MPP4: variants seen among roughly 807,000 people sequenced by gnomAD.
The protein encoded by MPP4 is MAGUK p55 scaffold protein 4.
In MPP4, 91 loss-of-function variants were observed where a neutral mutation model predicts 98.3. The observed-to-expected ratio is 0.93, with a 90% CI of 0.78 to 1.10. The LOEUF (loss-of-function observed/expected upper bound fraction) is 1.10, where lower values mean the gene tolerates loss of function less well. Ranked by LOEUF, MPP4 falls within the 50% of genes least tolerant of loss-of-function variation. MPP4 has a pLI of 0.00. For missense variants in MPP4, 744 were observed against 792.9 expected (o/e 0.94, Z 0.74); for synonymous variants, 261 against 271.8 (o/e 0.96, Z 0.39).
chr2:201,688,631 T>G (rs990519377), intron 4 of MPP4, among the ~76,000 whole-genome samples: 2 of 152,162 alleles, frequency 1.3e-5, no homozygotes, highest in Non-Finnish European at 2.9e-5. Flanking sequence ...TTGTTTGTTT[T>G]TTGAGATAGT....
chr2:201,658,258 A>G (rs1482391330), intron 16 of MPP4, among the ~76,000 whole-genome samples: 1 of 152,244 alleles, frequency 6.6e-6, no homozygotes, highest in Non-Finnish European at 1.5e-5. Context: ...GTGTTTGATG[A>G]GTAATTAATA....
intron 4 of MPP4, among the ~76,000 whole-genome samples, chr2:201,689,967 AG>A (rs1323445507): frequency 3.9e-5 from 6 of 152,222 alleles, no homozygotes; most frequent in African/African-American, 1.4e-4. Context: ...TTAGGAAAAA[AG>A]AAAGAAATGA....
rs761538656 is a variant in MPP4, at chr2:201,650,213, G to A, written c.1382-48C>T. ...GGTTTCAGTGTCTTCAGAATTCTTT[G>A]ATTACCAATATGCATTTGAATAAAG... On this transcript the variant is annotated intron_variant, in intron 18 of 21. Transcript: ENST00000409474. 6 of 1,527,566 alleles carry A rather than the reference G, an allele frequency of 3.9e-6. No individual in the cohort carries two copies. The South Asian group carries it at 7.7e-5, about 20-fold the overall frequency. 94.6% of individuals were successfully genotyped at this position (1,527,566 alleles called of 1,614,324 possible).
In MPP4 at chr2:201,657,590, G is replaced by GTTTTTTTTTTTTTTTTTTTTTTTTTTTT. The variant is rs929926346; in HGVS notation, c.1129+886_1129+887insAAAAAAAAAAAAAAAAAAAAAAAAAAAA. Reference sequence around the variant, plus strand: ...TCTAACAGTGAGAACCCTGGCCCTTGTTTTTTTTTTGTTTTTTTGTTTTTT... The same window carrying GTTTTTTTTTTTTTTTTTTTTTTTTTTTT: ...TCTAACAGTGAGAACCCTGGCCCTTGTTTTTTTTTTTTTTTTTTTTTTTTTTTTTTTTTTTTTTGTTTTTTTGTTTTTT... On this transcript the variant is annotated intron_variant, in intron 16 of 21. Transcript: ENST00000409474. Among the ~76,000 whole-genome samples, 45 of 91,118 alleles carry GTTTTTTTTTTTTTTTTTTTTTTTTTTTT rather than the reference G, an allele frequency of 4.9e-4. 10 individuals carry two copies. Among genetic ancestry groups the GTTTTTTTTTTTTTTTTTTTTTTTTTTTT allele is most frequent in the East Asian group, 1.2e-3 (3 of 2,596 alleles). The allele number at this position is 91,118 out of a possible 152,430, so 59.8% of individuals were successfully genotyped here. A position where few individuals can be genotyped will look rare whatever the true frequency, so the allele number is the denominator to read the frequency against.
intron 13 of MPP4, 79 bp from the exon 14 acceptor site, chr2:201,664,180 T>A (rs1688100586): frequency 6.6e-7 from 1 of 1,506,444 alleles, no homozygotes; most frequent in Non-Finnish European, 8.9e-7. Flanking sequence ...TAAGTCTAAT[T>A]CTCTGGCCCC....
At chr2:201,692,779 T>G in intron 3 of MPP4, 129 bp downstream of exon 3, 1,976 of 1,326,374 alleles carry the variant, frequency 1.5e-3, no homozygotes, top group Non-Finnish European at 1.8e-3. Context: ...TACAGAACTG[T>G]GAGATATCAA....
At chr2:201,697,070 T>C (rs1015888176) in intron 1 of MPP4, among the ~76,000 whole-genome samples, 1 of 152,110 alleles carries the variant, frequency 6.6e-6, no homozygotes, top group Non-Finnish European at 1.5e-5. Context: ...GTCATTAGCG[T>C]CTGGGTAAGA....
chr2:201,665,080 T>G (rs1688133990), intron 13 of MPP4: 1 of 158,786 alleles, frequency 6.3e-6, no homozygotes, highest in African/African-American at 2.4e-5. Context: ...TTTTTTTTTT[T>G]TTTGAGACGG....
chr2:201,690,115 A>T, intron 4 of MPP4, 87 bp downstream of exon 4: 2 of 828,144 alleles, frequency 2.4e-6, no homozygotes, highest in Non-Finnish European at 1.8e-6. Flanking sequence ...ACTTTTCCTT[A>T]GAACCTTTAA....
intron 13 of MPP4, 99 bp downstream of exon 13, chr2:201,666,235 A>G: frequency 1.1e-6 from 1 of 940,740 alleles, no homozygotes; most frequent in Non-Finnish European, 1.6e-6. Context: ...TTCTAGAGGA[A>G]AGGCCCATGG....
At chr2:201,650,534 C>T in intron 18 of MPP4, 1 of 985,404 alleles carries the variant, frequency 1.0e-6, no homozygotes, top group Non-Finnish European at 1.2e-6. Context: ...TTGGATAGTG[C>T]ATTTCCCATG....
chr2:201,696,549 G>A (rs115347254), intron 1 of MPP4, among the ~76,000 whole-genome samples: 1,592 of 152,306 alleles, frequency 0.01, 27 homozygotes, highest in African/African-American at 0.036. Flanking sequence ...TGCACGTCAT[G>A]AGGTGGACCA....
intron 16 of MPP4, among the ~76,000 whole-genome samples, chr2:201,657,649 G>A (rs894325970): frequency 3.0e-5 from 4 of 134,430 alleles, no homozygotes; most frequent in African/African-American, 1.1e-4. Context: ...GCACTTAAAT[G>A]TGCAAGATAG....
At chr2:201,688,097 G>A (rs1688892687) in intron 4 of MPP4, among the ~76,000 whole-genome samples, 1 of 152,174 alleles carries the variant, frequency 6.6e-6, no homozygotes, top group Non-Finnish European at 1.5e-5. Context: ...GGACAACTGA[G>A]AACAATTTGA....
chr2:201,681,387 G>T (rs1033867232), intron 9 of MPP4, 109 bp downstream of exon 9: 2 of 959,118 alleles, frequency 2.1e-6, no homozygotes, highest in Non-Finnish European at 3.3e-6. Flanking sequence ...ACACAGTCTT[G>T]AATCCAGGTC....
intron 1 of MPP4, among the ~76,000 whole-genome samples, chr2:201,696,176 G>A (rs1559021524): frequency 2.0e-5 from 3 of 152,172 alleles, no homozygotes; most frequent in Non-Finnish European, 4.4e-5. Flanking sequence ...CTTCCGGTTT[G>A]CTAGGTTCTA....
intron 14 of MPP4, among the ~76,000 whole-genome samples, chr2:201,663,013 AAATT>A (rs1405505388): frequency 3.3e-5 from 5 of 152,242 alleles, no homozygotes; most frequent in East Asian, 1.9e-4. Context: ...AAGAAAAAGA[AAATT>A]AATTCAGTAT....
intron 10 of MPP4, among the ~76,000 whole-genome samples, 180 bp from the exon 11 acceptor site, chr2:201,675,451 T>C (rs1398306828): frequency 6.6e-6 from 1 of 152,252 alleles, no homozygotes; most frequent in African/African-American, 2.4e-5. Flanking sequence ...TCCAAACATA[T>C]AGGCTCTCTC....
In MPP4 at chr2:201,692,890, G is replaced by A. The variant is rs897208433; in HGVS notation, c.201+18C>T. Reference sequence around the variant, plus strand: ...ACCCCTTCAGCAAGCAAAGGCTTCCGAGCAAAGAAGCACTCACCTTTAGCA... The same window carrying A: ...ACCCCTTCAGCAAGCAAAGGCTTCCAAGCAAAGAAGCACTCACCTTTAGCA... On this transcript the variant is annotated intron_variant, in intron 3 of 21. Transcript: ENST00000409474. 19 of 1,602,570 alleles carry A rather than the reference G, an allele frequency of 1.2e-5. No homozygotes were observed. Among genetic ancestry groups the A allele is most frequent in the Non-Finnish European group, 1.4e-5 (17 of 1,174,752 alleles).
Sources: gnomAD v4.1 joint callset for allele counts (sites outside exome capture counted in the v4.1 genomes callset) on GRCh38, gnomAD v4.1.1 for gene constraint, MANE v1.5 for transcripts, NCBI Gene and HGNC (gene_info 2026-07-23, HGNC 2026-07-21) for gene names.